SLFN14: variants seen among roughly 807,000 people sequenced by gnomAD.
SLFN14 encodes the protein schlafen family member 14.
In SLFN14, 47 loss-of-function variants were observed where a neutral mutation model predicts 58.6. That is an observed-to-expected ratio of 0.80 (90% CI 0.64 to 1.02). The LOEUF (loss-of-function observed/expected upper bound fraction) is 1.02. Ranked by LOEUF, SLFN14 falls within the 50% of genes least tolerant of loss-of-function variation. The pLI is 0.00. For synonymous variants in SLFN14, 390 were observed against 387.3 expected (o/e 1.01, Z -0.08); for missense variants, 967 against 1,078.4 (o/e 0.90, Z 1.45).
At position 35,545,301 on chromosome 17, in the gene SLFN14, T is replaced by C. The variant is rs1337271582; in HGVS notation, c.*2938A>G. 6.6e-6 allele frequency among the ~76,000 whole-genome samples: 1 copy of C among 152,234 alleles called. No individual in the cohort carries two copies. Among genetic ancestry groups the C allele is most frequent in the Non-Finnish European group, 1.5e-5 (1 of 68,038 alleles). ...CAAGTACAATTCAGCAAATATTTAC[T>C]GAGCACCTGCCCTGTGTGAGGCACT... On this transcript the variant is annotated 3_prime_UTR_variant, in exon 6 of 6. Transcript: ENST00000674182.
At chr17:35,549,204 C>T (rs2072562411) in intron 5 of SLFN14, 131 bp from the exon 6 acceptor site, 5 of 708,754 alleles carry the variant, frequency 7.1e-6, no homozygotes, top group Non-Finnish European at 1.2e-5. Context: ...AGTGTGAATA[C>T]CACAAAACTG....
chr17:35,560,536 CA>C (rs1172862243), intron 1 of SLFN14, among the ~76,000 whole-genome samples: 1 of 152,110 alleles, frequency 6.6e-6, no homozygotes, highest in Non-Finnish European at 1.5e-5. Flanking sequence ...CCATGTTGGC[CA>C]GGCTGGTCTC....
chr17:35,557,671 T>C lies in SLFN14; in HGVS notation c.392A>G (p.Tyr131Cys), dbSNP rs373906466. ...LRICSLRSNL[Y>C]RRDVTSAINL... Reference sequence around the variant, plus strand: ...GATAGCAGAAGTCACATCTCTCCGATACAAATTGGAGCGCAAGCTGCAAAT... The same window carrying C: ...GATAGCAGAAGTCACATCTCTCCGACACAAATTGGAGCGCAAGCTGCAAAT... The change falls in exon 3 of 6, where the codon TAT becomes TGT. Residue 131 changes from tyrosine (Y) to cysteine (C), a missense_variant. Physicochemically the swap from Tyr to Cys is radical, Grantham distance 194 (BLOSUM62 -2). Transcript: ENST00000674182. The C allele has an allele frequency of 3.9e-6, 6 of 1,551,604 alleles. No homozygotes were observed. In the African/African-American group the frequency reaches 4.1e-5, roughly 11 times the overall value.
chr17:35,556,139 G>A (rs1308760422), intron 3 of SLFN14, among the ~76,000 whole-genome samples: 1 of 152,000 alleles, frequency 6.6e-6, no homozygotes, highest in African/African-American at 2.4e-5. Context: ...CCAGGCTCAA[G>A]CAATCCTCCC....
Position 35,547,713 on chromosome 17 carries a change from G to C in SLFN14, c.*526C>G, listed in dbSNP as rs1365571723. Among the ~76,000 whole-genome samples the C allele has an allele frequency of 6.6e-6, 1 of 152,154 alleles. No homozygotes were observed. The highest frequency in any genetic ancestry group is 1.5e-5 in the Non-Finnish European group (1 of 68,034). On this transcript the variant is annotated 3_prime_UTR_variant, in exon 6 of 6. Transcript: ENST00000674182. ...AGGTGCCAGTCAATTGGCTACTTTT[G>C]AGACCTATGCAGTCAAAGTAACCAG...
rs2072545383 is a variant in SLFN14 at position 35,547,772 on chromosome 17, T to C, written c.*467A>G. Among the ~76,000 whole-genome samples the C allele has an allele frequency of 6.6e-6, 1 of 152,140 alleles. No individual in the cohort carries two copies. Among genetic ancestry groups the C allele is most frequent in the South Asian group, 2.1e-4 (1 of 4,828 alleles). On this transcript the variant is annotated 3_prime_UTR_variant, in exon 6 of 6. Transcript: ENST00000674182. ...GCACCATACCACCACCCAAAAATTATGCCAGGTGGGCTGGGGTGCATGAGA... is the reference window on the plus strand; with the variant it reads ...GCACCATACCACCACCCAAAAATTACGCCAGGTGGGCTGGGGTGCATGAGA...
At chr17:35,552,663 CATATATATACACAT>C (rs1471595818) in intron 5 of SLFN14, 53 bp downstream of exon 5, 27 of 572,460 alleles carry the variant, frequency 4.7e-5, no homozygotes, top group Non-Finnish European at 6.5e-5. Flanking sequence ...TATATATACA[CATATATATACACAT>C]ATATATATAC....
chr17:35,548,848 G>C lies in SLFN14; in HGVS notation c.2130C>G (p.His710Gln). The C allele has an allele frequency of 6.4e-7, 1 of 1,551,696 alleles. No homozygotes were observed. The highest frequency in any genetic ancestry group is 8.7e-7 in the Non-Finnish European group (1 of 1,146,988). ...GAGGGGGAAGGCCATTGACATCTGCGTGATGGATTTGAAAAGGGTCAAGAA... is the reference window on the plus strand; with the variant it reads ...GAGGGGGAAGGCCATTGACATCTGCCTGATGGATTTGAAAAGGGTCAAGAA... ...WLFLDPFQIH[H>Q]ADVNGLPPPS... is the part of the protein sequence containing the mutation. Residue 710 changes from histidine to glutamine, a missense_variant, in exon 6 of 6, where the codon CAC becomes CAG. By Grantham distance (24) the His-to-Gln change is conservative. Coordinates refer to ENST00000674182, the MANE Select transcript of SLFN14 (RefSeq NM_001129820.2).
At chr17:35,559,403 T>A (rs2072681742) in intron 2 of SLFN14, among the ~76,000 whole-genome samples, 6 of 152,176 alleles carry the variant, frequency 3.9e-5, no homozygotes, top group South Asian at 2.1e-4. Context: ...TACAGTGTGA[T>A]GTGACAGCAG....
chr17:35,552,685 TAC>T, intron 5 of SLFN14, 43 bp downstream of exon 5: 1 of 1,206,626 alleles, frequency 8.3e-7, no homozygotes, highest in South Asian at 1.5e-5. Flanking sequence ...CATATATATA[TAC>T]ACATACATAT....
Position 35,544,764 on chromosome 17 carries a change from G to T in SLFN14, c.*3475C>A, listed in dbSNP as rs1342485086. Among the ~76,000 whole-genome samples the T allele has an allele frequency of 1.3e-5, 2 of 152,138 alleles. No individual in the cohort carries two copies. Among genetic ancestry groups the T allele is most frequent in the African/African-American group, 4.8e-5 (2 of 41,430 alleles). On this transcript the variant is annotated 3_prime_UTR_variant, in exon 6 of 6. Transcript: ENST00000674182. ...GCTGGTCTTGAACTCCTGACCTCAG[G>T]TGATTCACCCACCTCAGCCTCCCAA... is the stretch of plus-strand genomic sequence containing the variant.
Position 35,557,152 on chromosome 17 carries a change from A to G in SLFN14, c.911T>C (p.Val304Ala), listed in dbSNP as rs1316232662. 1.3e-6 allele frequency: 2 copies of G among 1,551,620 alleles called. No homozygotes were observed. The highest frequency in any genetic ancestry group is 1.7e-6 in the Non-Finnish European group (2 of 1,146,998). ...AATCACACAGACATAACCATCCAGG[A>G]CATCTTTTTGGTACACATTCAGGAT... ...TKILNVYQKD[V>A]LDGYVCVIQV... Residue 304 changes from valine (V) to alanine (A), a missense_variant, in exon 3 of 6, where the codon GTC becomes GCC. Physicochemically the swap from Val to Ala is moderately conservative, Grantham distance 64. Coordinates refer to ENST00000674182, the MANE Select transcript of SLFN14 (RefSeq NM_001129820.2).
chr17:35,552,948 C>T lies in SLFN14; in HGVS notation c.1686G>A (p.Gln562=). ...SLSSRSLLSD[Q]MGCEFFNLLI... ...GCAAGTTGAAAAATTCACAGCCCAT[C>T]TGGTCACTCAGAAGAGATCTGGAGG... The change falls in exon 5 of 6, where the codon CAG becomes CAA. Residue 562 remains glutamine (Q), a synonymous_variant. Transcript: ENST00000674182. The T allele has an allele frequency of 6.4e-7, 1 of 1,551,622 alleles. No individual in the cohort carries two copies. Among genetic ancestry groups the T allele is most frequent in the Non-Finnish European group, 8.7e-7 (1 of 1,146,998 alleles).
intron 4 of SLFN14, 170 bp from the exon 5 acceptor site, chr17:35,553,614 C>A: frequency 1.6e-6 from 1 of 621,366 alleles, no homozygotes; most frequent in Non-Finnish European, 2.7e-6. Context: ...CTCCCCCATC[C>A]CCACGGACAT....
At position 35,559,733 on chromosome 17, in the gene SLFN14, G is replaced by A. The variant is rs1034126045; in HGVS notation, c.-51C>T. On this transcript the variant is annotated 5_prime_UTR_variant, in exon 2 of 6. Transcript: ENST00000674182. The stretch of plus-strand genomic sequence containing the variant: ...GGGCATTGTATATACTCACCAAGAG[G>A]AAGAAAGCAGGCATCCGGCAAGACA... 2.0e-5 allele frequency among the ~76,000 whole-genome samples: 3 copies of A among 152,266 alleles called. No individual in the cohort carries two copies. In the East Asian group the frequency reaches 5.8e-4, roughly 29 times the overall value.
chr17:35,544,528 C>CTTT lies in SLFN14; in HGVS notation c.*3708_*3710dup, dbSNP rs10641330. Reference sequence around the variant, plus strand: ...CCCAGATAACAAGATGATTTAAGAACTTTTTTTTTTTTTTTTTGAGACAGA... The same window carrying CTTT: ...CCCAGATAACAAGATGATTTAAGAACTTTTTTTTTTTTTTTTTTTTGAGACAGA... On this transcript the variant is annotated 3_prime_UTR_variant, in exon 6 of 6. Transcript: ENST00000674182. Among the ~76,000 whole-genome samples, 2,569 of 139,818 alleles carry CTTT rather than the reference C, an allele frequency of 0.018. 50 individuals carry two copies. The highest frequency in any genetic ancestry group is 0.076 in the Middle Eastern group (21 of 276). The allele number at this position is 139,818 out of a possible 152,430, so 91.7% of individuals were successfully genotyped here.
intron 3 of SLFN14, among the ~76,000 whole-genome samples, chr17:35,556,069 G>A (rs899545275): frequency 2.6e-5 from 4 of 151,566 alleles, no homozygotes; most frequent in East Asian, 1.9e-4. Context: ...ACGGGGTCTC[G>A]CTCTGTTGCT....
At position 35,557,996 on chromosome 17, in the gene SLFN14, T is replaced by C. The variant is rs2072670323; in HGVS notation, c.67A>G (p.Ile23Val). 1 of 1,551,628 alleles carries C rather than the reference T, an allele frequency of 6.4e-7. No homozygotes were observed. The highest frequency in any genetic ancestry group is 8.7e-7 in the Non-Finnish European group (1 of 1,146,990). Residue 23 changes from isoleucine (I) to valine (V), a missense_variant, in exon 3 of 6, where the codon ATT (isoleucine) becomes GTT (valine). Ile to Val is a conservative substitution (Grantham distance 29). Transcript: ENST00000674182. Reference sequence around the variant, plus strand: ...TTCTTCCTGTTTTCTTCTCCAAAAATCACTCTGCCCACATCTACTATTACC... The same window carrying C: ...TTCTTCCTGTTTTCTTCTCCAAAAACCACTCTGCCCACATCTACTATTACC... ...PEVIVDVGRV[I>V]FGEENRKKMT... is the part of the protein sequence containing the mutation.
Position 35,548,290 on chromosome 17 carries a change from T to G in SLFN14, c.2688A>C (p.Ser896=). Residue 896 remains serine (S), a synonymous_variant, in exon 6 of 6, where the codon TCA becomes TCC. Coordinates refer to ENST00000674182, the MANE Select transcript of SLFN14 (RefSeq NM_001129820.2). The part of the protein sequence containing the change: ...SEEFHKLCFA[S]RAIKHLYLLY... ...GCAGGTAGAGGTGTTTAATGGCTCT[T>G]GAAGCAAAGCAGAGCTTATGAAATT... 1 of 1,551,730 alleles carries G rather than the reference T, an allele frequency of 6.4e-7. No individual in the cohort carries two copies. Among genetic ancestry groups the G allele is most frequent in the Non-Finnish European group, 8.7e-7 (1 of 1,146,986 alleles).
Sources: gnomAD v4.1 joint callset for allele counts (sites outside exome capture counted in the v4.1 genomes callset) on GRCh38, gnomAD v4.1.1 for gene constraint, MANE v1.5 for transcripts, NCBI Gene and HGNC (gene_info 2026-07-23, HGNC 2026-07-21) for gene names.